DIPK1B: variants seen among roughly 807,000 people sequenced by gnomAD.
DIPK1B encodes divergent protein kinase domain 1B, also known as family with sequence similarity 69 member B.
DIPK1B carries 17 observed loss-of-function variants against 20.7 expected under a neutral mutation model. The observed-to-expected ratio is 0.82, with a 90% CI of 0.56 to 1.23. DIPK1B has a LOEUF of 1.23. DIPK1B is among the 50% of genes most tolerant of loss of function. The probability of loss-of-function intolerance (pLI) is 0.00; values close to 1 mark genes in which losing one functional copy is unlikely to be tolerated. For synonymous variants in DIPK1B, 343 were observed against 276.5 expected (o/e 1.24, Z -2.39); for missense variants, 648 against 601.8 (o/e 1.08, Z -0.80).
intron 2 of DIPK1B, 139 bp from the exon 3 acceptor site, chr9:136,721,782 G>A (rs772854489): frequency 2.6e-4 from 187 of 722,012 alleles, no homozygotes; most frequent in Non-Finnish European, 3.8e-4. Flanking sequence ...CCAGGGCCCC[G>A]GCACTGCCTG....
At chr9:136,720,522 G>A (rs899807677) in intron 2 of DIPK1B, among the ~76,000 whole-genome samples, 2 of 152,184 alleles carry the variant, frequency 1.3e-5, no homozygotes, top group Admixed American at 6.5e-5. Flanking sequence ...CTCCCGTGGG[G>A]CGCTGGGATT....
At position 136,723,120 on chromosome 9, in the gene DIPK1B, G is replaced by A. The variant is rs777304990; in HGVS notation, c.642G>A (p.Glu214=). The part of the protein sequence containing the change: ...NEFLLLLSLQ[E]KEHASRLLGY... ...TCCTGCTGCTGCTGTCCCTGCAGGA[G>A]AAGGAGCACGCCTCCAGACTGCTGG... The change falls in exon 5 of 5, where the codon GAG becomes GAA. Residue 214 remains glutamate (E), a synonymous_variant. Coordinates refer to ENST00000371692, the MANE Select transcript of DIPK1B (RefSeq NM_152421.4). The A allele has an allele frequency of 5.8e-5, 94 of 1,613,432 alleles. No homozygotes were observed. The highest frequency in any genetic ancestry group is 7.5e-5 in the Non-Finnish European group (88 of 1,180,030).
At chr9:136,716,684 G>A (rs1397768400) in intron 1 of DIPK1B, among the ~76,000 whole-genome samples, 1 of 152,056 alleles carries the variant, frequency 6.6e-6, no homozygotes, top group Non-Finnish European at 1.5e-5. Flanking sequence ...TACAGGGTGA[G>A]CCACCATGCC....
intron 1 of DIPK1B, among the ~76,000 whole-genome samples, chr9:136,716,223 C>T (rs182156358): frequency 6.6e-6 from 1 of 152,002 alleles, no homozygotes; most frequent in African/African-American, 2.4e-5. Flanking sequence ...AAGGACTGCC[C>T]ACCCCTGGGC....
intron 1 of DIPK1B, among the ~76,000 whole-genome samples, chr9:136,716,990 A>C (rs1306214999): frequency 2.0e-5 from 3 of 152,106 alleles, no homozygotes; most frequent in Non-Finnish European, 2.9e-5. Context: ...GCACTTTGGG[A>C]GGCCAAGGCA....
intron 1 of DIPK1B, among the ~76,000 whole-genome samples, chr9:136,715,307 A>G (rs1057313854): frequency 7.2e-5 from 11 of 152,048 alleles, no homozygotes; most frequent in Admixed American, 3.9e-4. Context: ...GGGGAGAGGG[A>G]AGGTGGCATG....
rs201098950 is a variant in DIPK1B at position 136,723,307 on chromosome 9, G to A, written c.829G>A (p.Gly277Ser). 74 of 1,612,846 alleles carry A rather than the reference G, an allele frequency of 4.6e-5. No individual in the cohort carries two copies. The South Asian group carries it at 6.9e-4, about 15-fold the overall frequency. Residue 277 changes from glycine (G) to serine (S), a missense_variant, in exon 5 of 5, where the codon GGC (glycine) becomes AGC (serine). By Grantham distance (56) the Gly-to-Ser change is moderately conservative. Transcript: ENST00000371692. ...AWPWRAKIAI[G>S]LLEFVEELFH... ...GCCTTGGCGGGCCAAGATCGCCATC[G>A]GCCTGCTGGAGTTCGTGGAGGAGCT...
rs1333733944 is a variant in DIPK1B, at chr9:136,724,219, C to G, written c.*445C>G. Among the ~76,000 whole-genome samples the G allele has an allele frequency of 6.6e-6, 1 of 152,156 alleles. No individual in the cohort carries two copies. The highest frequency in any genetic ancestry group is 1.5e-5 in the Non-Finnish European group (1 of 68,034). On this transcript the variant is annotated 3_prime_UTR_variant, in exon 5 of 5. Transcript: ENST00000371692. ...TTGCAGAGCTGCCTGCCCTTCAACC[C>G]ACACACACCTCTGAAGCCGCCAGGG... is the stretch of plus-strand genomic sequence containing the variant.
intron 1 of DIPK1B, among the ~76,000 whole-genome samples, chr9:136,716,621 A>G (rs1846500253): frequency 6.6e-6 from 1 of 151,592 alleles, no homozygotes; most frequent in Non-Finnish European, 1.5e-5. Context: ...GGATGGTCTC[A>G]AACTCCTGGG....
chr9:136,719,883 G>A (rs13290913), intron 2 of DIPK1B, among the ~76,000 whole-genome samples: 14 of 150,986 alleles, frequency 9.3e-5, no homozygotes, highest in African/African-American at 7.4e-5. Context: ...GGCTCCGGGC[G>A]CAGGGGCTGT....
At chr9:136,716,180 G>A (rs1446397204) in intron 1 of DIPK1B, among the ~76,000 whole-genome samples, 1 of 151,772 alleles carries the variant, frequency 6.6e-6, no homozygotes, top group Non-Finnish European at 1.5e-5. Flanking sequence ...TAGGATAGAC[G>A]CAGCTGCTCT....
intron 2 of DIPK1B, among the ~76,000 whole-genome samples, chr9:136,720,425 C>G (rs1444934978): frequency 1.3e-5 from 2 of 152,150 alleles, no homozygotes; most frequent in Admixed American, 1.3e-4. Flanking sequence ...TCCAAGCCTG[C>G]TTGGCCAGGC....
chr9:136,722,877 C>A, intron 4 of DIPK1B, 85 bp from the exon 5 acceptor site: 1 of 1,394,158 alleles, frequency 7.2e-7, no homozygotes, highest in Non-Finnish European at 9.6e-7. Flanking sequence ...CAGACCACCC[C>A]GCCAGGAGGA....
At chr9:136,722,473 C>T in intron 4 of DIPK1B, 172 bp downstream of exon 4, 4 of 815,622 alleles carry the variant, frequency 4.9e-6, no homozygotes, top group Non-Finnish European at 7.5e-6. Context: ...GGGAAGGAGC[C>T]TCTCCAGGGC....
At chr9:136,717,850 AG>A in intron 2 of DIPK1B, 139 bp downstream of exon 2, 1 of 1,336,952 alleles carries the variant, frequency 7.5e-7, no homozygotes, top group Non-Finnish European at 1.0e-6. Flanking sequence ...GAATCTGCAA[AG>A]CTGCCTCAGG....
At chr9:136,717,897 G>C (rs1201165194) in intron 2 of DIPK1B, among the ~76,000 whole-genome samples, 186 bp downstream of exon 2, 2 of 151,772 alleles carry the variant, frequency 1.3e-5, no homozygotes, top group Non-Finnish European at 2.9e-5. Context: ...GGGAGGACGG[G>C]GGAGACGTGC....
In DIPK1B at chr9:136,723,243, C is replaced by T; in HGVS notation, c.765C>T (p.Ala255=). 2 of 1,612,434 alleles carry T rather than the reference C, an allele frequency of 1.2e-6. No homozygotes were observed. The highest frequency in any genetic ancestry group is 1.7e-6 in the Non-Finnish European group (2 of 1,179,660). The change falls in exon 5 of 5, where the codon GCC becomes GCT. Residue 255 remains alanine, a synonymous_variant. Transcript: ENST00000371692. ...PPLLRPLLPP[A]LQGALQQWLG... ...TGTTGCGCCCACTGCTGCCGCCTGCCCTGCAGGGTGCTCTCCAGCAGTGGC... is the reference window on the plus strand; with the variant it reads ...TGTTGCGCCCACTGCTGCCGCCTGCTCTGCAGGGTGCTCTCCAGCAGTGGC...
Position 136,723,634 on chromosome 9 carries a change from C to T in DIPK1B, c.1156C>T (p.Arg386Cys), listed in dbSNP as rs1312598122. 8.3e-6 allele frequency: 13 copies of T among 1,574,114 alleles called. No homozygotes were observed. The highest frequency in any genetic ancestry group is 2.7e-5 in the African/African-American group (2 of 74,162). Residue 386 changes from arginine (R) to cysteine (C), a missense_variant, in exon 5 of 5, where the codon CGC (arginine) becomes TGC (cysteine). By Grantham distance (180) the Arg-to-Cys change is radical (BLOSUM62 -3). Coordinates refer to ENST00000371692, the MANE Select transcript of DIPK1B (RefSeq NM_152421.4). The part of the protein sequence containing the change: ...YLLPGAPADL[R>C]EELGTQLRTC... ...GCTGCCTGGCGCGCCCGCCGACCTC[C>T]GCGAGGAGCTGGGCACACAGCTGCG...
chr9:136,720,076 G>A lies in DIPK1B; in HGVS notation c.199-1845G>A, dbSNP rs1023699450. Among the ~76,000 whole-genome samples, 26 of 151,510 alleles carry A rather than the reference G, an allele frequency of 1.7e-4. No homozygotes were observed. The East Asian group carries it at 4.7e-3, about 27-fold the overall frequency. On this transcript the variant is annotated intron_variant, in intron 2 of 4. Coordinates refer to ENST00000371692, the MANE Select transcript of DIPK1B (RefSeq NM_152421.4). Reference sequence around the variant, plus strand: ...TCCGGGTGCAGGGGGCTGGTCTGGGGTTCCGGGTGCAGGGGCTGTGTGGTC... The same window carrying A: ...TCCGGGTGCAGGGGGCTGGTCTGGGATTCCGGGTGCAGGGGCTGTGTGGTC...
Sources: allele counts gnomAD v4.1 joint callset (sites outside exome capture counted in the v4.1 genomes callset), GRCh38; gene constraint gnomAD v4.1.1; transcripts MANE v1.5; gene names NCBI Gene and HGNC (gene_info 2026-07-23, HGNC 2026-07-21).